EFCAB13: variants seen among roughly 807,000 people sequenced by gnomAD.
EFCAB13 encodes the protein EF-hand calcium-binding domain-containing protein 13.
Under a neutral mutation model 110.2 loss-of-function variants are expected in EFCAB13, and 91 were observed. The observed-to-expected ratio is 0.83, with a 90% CI of 0.70 to 0.98. EFCAB13 has a LOEUF of 0.98. Ranked by LOEUF, EFCAB13 falls within the 50% of genes least tolerant of loss-of-function variation. The pLI is 0.00. For missense variants in EFCAB13, 968 were observed against 1,119.4 expected, an observed-to-expected ratio of 0.86 and a Z score of 1.93; for synonymous variants, 323 against 369.9, an observed-to-expected ratio of 0.87 and a Z score of 1.45.
chr17:47,340,766 A>ATTTTT (rs58304526), intron 5 of EFCAB13, among the ~76,000 whole-genome samples: 1 of 53,990 alleles, frequency 1.9e-5, no homozygotes, highest in Non-Finnish European at 3.3e-5. Context: ...CACCTGGCTA[A>ATTTTT]TTTTTTTTTT....
chr17:47,405,934 T>C (rs1005736392), intron 20 of EFCAB13, among the ~76,000 whole-genome samples: 2 of 152,048 alleles, frequency 1.3e-5, no homozygotes, highest in African/African-American at 4.8e-5. Context: ...TACTGGGTAA[T>C]AAACATGTTT....
intron 3 of EFCAB13, 93 bp from the exon 4 acceptor site, chr17:47,328,176 T>C: frequency 1.5e-6 from 1 of 659,868 alleles, no homozygotes; most frequent in Admixed American, 2.7e-5. Context: ...CCCAAGTCAG[T>C]GTTACATTGA....
chr17:47,407,607 C>T (rs1446102045), intron 20 of EFCAB13, among the ~76,000 whole-genome samples: 3 of 152,166 alleles, frequency 2.0e-5, no homozygotes, highest in Admixed American at 6.5e-5. Flanking sequence ...TCCAGATGTA[C>T]TTGAAAACAC....
intron 16 of EFCAB13, among the ~76,000 whole-genome samples, chr17:47,394,922 A>C (rs1210125249): frequency 6.6e-6 from 1 of 152,098 alleles, no homozygotes; most frequent in African/African-American, 2.4e-5. Context: ...CTCATTGTTA[A>C]TATTGCATGT....
Position 47,400,003 on chromosome 17 carries a change from A to G in EFCAB13, c.1946-2129A>G, listed in dbSNP as rs77813191. On this transcript the variant is annotated intron_variant, in intron 17 of 24. Coordinates refer to ENST00000331493, the MANE Select transcript of EFCAB13 (RefSeq NM_152347.5). Reference sequence around the variant, plus strand: ...CATAGGCGAAGAATTAGAGGAAATCATTAATAGGTGTTGTTAGGCATTTAA... The same window carrying G: ...CATAGGCGAAGAATTAGAGGAAATCGTTAATAGGTGTTGTTAGGCATTTAA... Among the ~76,000 whole-genome samples, 50 of 152,332 alleles carry G rather than the reference A, an allele frequency of 3.3e-4. 1 individual carries two copies. In the East Asian group the frequency reaches 9.4e-3, roughly 29 times the overall value.
Position 47,370,483 on chromosome 17 carries a change from G to A in EFCAB13, c.852G>A (p.Glu284=). 1 of 1,608,264 alleles carries A rather than the reference G, an allele frequency of 6.2e-7. No individual in the cohort carries two copies. The highest frequency in any genetic ancestry group is 8.5e-7 in the Non-Finnish European group (1 of 1,175,128). Residue 284 remains glutamate (E), a synonymous_variant, in exon 11 of 25, where the codon GAG becomes GAA. Coordinates refer to ENST00000331493, the MANE Select transcript of EFCAB13 (RefSeq NM_152347.5). The part of the protein sequence containing the change: ...DIGDIIFTLN[E]LQEQYEDVSI... ...GGGATATTATATTTACTTTGAATGA[G>A]CTACAGGAACAGTATGAGGATGTTT...
chr17:47,344,381 A>C, intron 7 of EFCAB13, 89 bp downstream of exon 7: 3 of 1,428,536 alleles, frequency 2.1e-6, no homozygotes, highest in Non-Finnish European at 2.9e-6. Flanking sequence ...CCACATAAAG[A>C]ATATGAAGTA....
chr17:47,432,342 G>A (rs1905131849), intron 24 of EFCAB13, among the ~76,000 whole-genome samples: 1 of 151,954 alleles, frequency 6.6e-6, no homozygotes, highest in Non-Finnish European at 1.5e-5. Flanking sequence ...AGCTTGCAAT[G>A]AGGTGAGATT....
intron 19 of EFCAB13, 146 bp from the exon 20 acceptor site, chr17:47,404,416 G>A (rs1225991132): frequency 6.6e-6 from 4 of 605,404 alleles, no homozygotes; most frequent in Admixed American, 3.2e-5. Context: ...GTTATTGCGA[G>A]GCTTAATGGA....
intron 9 of EFCAB13, among the ~76,000 whole-genome samples, chr17:47,361,172 T>C (rs148863177): frequency 6.6e-6 from 1 of 152,228 alleles, no homozygotes; most frequent in Non-Finnish European, 1.5e-5. Flanking sequence ...CATAAGAATA[T>C]GAAATTCCTA....
chr17:47,416,510 G>T (rs968141273), intron 23 of EFCAB13, among the ~76,000 whole-genome samples: 1 of 151,936 alleles, frequency 6.6e-6, no homozygotes, highest in African/African-American at 2.4e-5. Flanking sequence ...TAAGGTTTGG[G>T]ATATGAATGA....
intron 14 of EFCAB13, among the ~76,000 whole-genome samples, chr17:47,386,612 T>G (rs1000804057): frequency 2.0e-5 from 3 of 152,090 alleles, no homozygotes; most frequent in African/African-American, 7.2e-5. Flanking sequence ...CTTGGCTCCC[T>G]GGCTTCAGCC....
At chr17:47,430,225 T>TG (rs1344776591) in intron 24 of EFCAB13, 17 of 1,062,424 alleles carry the variant, frequency 1.6e-5, no homozygotes, top group Admixed American at 5.3e-5. Flanking sequence ...CTGACTGACA[T>TG]GCACAGTGGT....
At chr17:47,387,070 A>T (rs2065680912) in intron 14 of EFCAB13, among the ~76,000 whole-genome samples, 2 of 152,034 alleles carry the variant, frequency 1.3e-5, no homozygotes, top group African/African-American at 4.8e-5. Context: ...TGCAGACCGG[A>T]GCTGTTCCTG....
rs564893179 is a variant in EFCAB13 at position 47,440,846 on chromosome 17, G to C, written c.*132G>C. 4.3e-6 allele frequency: 3 copies of C among 697,676 alleles called. No homozygotes were observed. Among genetic ancestry groups the C allele is most frequent in the Non-Finnish European group, 6.7e-6 (3 of 449,724 alleles). 43.2% of individuals were successfully genotyped at this position (697,676 alleles called of 1,614,324 possible). On this transcript the variant is annotated 3_prime_UTR_variant, in exon 25 of 25. Coordinates refer to ENST00000331493, the MANE Select transcript of EFCAB13 (RefSeq NM_152347.5). ...TCCAGTAGAATTTTTATCACTATCT[G>C]TTATGTTCTCATGTATCTTCAGCGA...
At chr17:47,430,553 G>C (rs1024133269) in intron 24 of EFCAB13, 1 of 152,008 alleles carries the variant, frequency 6.6e-6, no homozygotes, top group Admixed American at 6.6e-5. Flanking sequence ...TTTTGTGAAA[G>C]GCTTTGGATT....
intron 5 of EFCAB13, among the ~76,000 whole-genome samples, chr17:47,338,179 A>G (rs910084258): frequency 2.0e-5 from 3 of 152,268 alleles, no homozygotes; most frequent in African/African-American, 7.2e-5. Flanking sequence ...AGCACCAGTA[A>G]ACTGCAGGTT....
At chr17:47,392,256 A>G (rs2065712202) in intron 15 of EFCAB13, among the ~76,000 whole-genome samples, 1 of 152,228 alleles carries the variant, frequency 6.6e-6, no homozygotes, top group South Asian at 2.1e-4. Context: ...ATTAAAATCT[A>G]GATAAATAAG....
chr17:47,361,724 T>C (rs1037180897), intron 10 of EFCAB13, among the ~76,000 whole-genome samples: 3 of 152,298 alleles, frequency 2.0e-5, no homozygotes, highest in African/African-American at 7.2e-5. Flanking sequence ...AAAATTGTTA[T>C]AGTTTGGTAT....
Sources: gnomAD v4.1 joint callset for allele counts (sites outside exome capture counted in the v4.1 genomes callset) on GRCh38, gnomAD v4.1.1 for gene constraint, MANE v1.5 for transcripts, NCBI Gene and HGNC (gene_info 2026-07-23, HGNC 2026-07-21) for gene names.